ADGRL3: variants seen among roughly 807,000 people sequenced by gnomAD.
The protein encoded by ADGRL3 is calcium-independent alpha-latrotoxin receptor 3.
Under a neutral mutation model 153.5 loss-of-function variants are expected in ADGRL3, and 62 were observed. The ratio of observed to expected loss-of-function variants is 0.40; its 90% CI spans 0.33 to 0.50. The LOEUF is 0.50. Among genes scored for constraint, ADGRL3 ranks in the 20% least tolerant of loss-of-function variants. The pLI is 0.47. For missense variants in ADGRL3, 1,641 were observed against 1,859.4 expected (o/e 0.88, Z 2.16); for synonymous variants, 710 against 672.5 (o/e 1.06, Z -0.86).
Position 62,028,231 on chromosome 4 carries a change from A to G in ADGRL3, c.3396-624A>G, listed in dbSNP as rs35488347. Among the ~76,000 whole-genome samples the G allele has an allele frequency of 4.7e-3, 717 of 152,038 alleles. 2 individuals carry two copies. The highest frequency in any genetic ancestry group is 8.0e-3 in the Non-Finnish European group (544 of 67,840). On this transcript the variant is annotated intron_variant, in intron 21 of 26. Transcript: ENST00000683033. ...AAATGATATTAAAAAATTAGTAAAC[A>G]TAAGTGAAAATAAGCAGGCGTTGTA...
At chr4:61,745,834 G>T (rs2096651107) in intron 8 of ADGRL3, among the ~76,000 whole-genome samples, 1 of 152,128 alleles carries the variant, frequency 6.6e-6, no homozygotes, top group Non-Finnish European at 1.5e-5. Context: ...ACATCATAAT[G>T]ACAGGATCAA....
At chr4:62,032,992 TA>T (rs1722966951) in intron 23 of ADGRL3, among the ~76,000 whole-genome samples, 1 of 151,628 alleles carries the variant, frequency 6.6e-6, no homozygotes, top group African/African-American at 2.4e-5. Flanking sequence ...TTTAAAAAAA[TA>T]AAAACAAAAT....
chr4:61,759,296 C>T (rs1453627000), intron 8 of ADGRL3, among the ~76,000 whole-genome samples: 1 of 152,212 alleles, frequency 6.6e-6, no homozygotes, highest in Non-Finnish European at 1.5e-5. Flanking sequence ...CTCCCCATCA[C>T]TTTCAGGTAC....
intron 15 of ADGRL3, among the ~76,000 whole-genome samples, chr4:61,939,378 C>T (rs558920658): frequency 1.3e-5 from 2 of 152,178 alleles, no homozygotes; most frequent in South Asian, 4.1e-4. Context: ...GAAAATATTC[C>T]CGTGTCTCTT....
chr4:61,681,021 A>G (rs1453698270), intron 6 of ADGRL3, among the ~76,000 whole-genome samples: 1 of 152,062 alleles, frequency 6.6e-6, no homozygotes, highest in Non-Finnish European at 1.5e-5. Context: ...TCCTTAGTGG[A>G]TATTTTCTCC....
chr4:61,833,371 T>G (rs2097895764), intron 9 of ADGRL3, among the ~76,000 whole-genome samples: 1 of 152,168 alleles, frequency 6.6e-6, no homozygotes, highest in African/African-American at 2.4e-5. Flanking sequence ...AAAGAGTAAT[T>G]CGCTGAGAGC....
chr4:62,026,599 A>T (rs1718712925), intron 21 of ADGRL3, among the ~76,000 whole-genome samples: 1 of 152,072 alleles, frequency 6.6e-6, no homozygotes, highest in African/African-American at 2.4e-5. Context: ...TTGTATTTTA[A>T]TTTTTAAAAA....
chr4:61,398,164 A>G (rs1026643438), intron 2 of ADGRL3, among the ~76,000 whole-genome samples: 1 of 151,920 alleles, frequency 6.6e-6, no homozygotes, highest in African/African-American at 2.4e-5. Flanking sequence ...TCTTTGTGAT[A>G]TGTTCAAGAA....
chr4:61,528,931 C>G (rs905388438), intron 4 of ADGRL3, among the ~76,000 whole-genome samples: 34 of 152,050 alleles, frequency 2.2e-4, no homozygotes, highest in Non-Finnish European at 7.4e-5. Flanking sequence ...CTAGCCACAG[C>G]TGTAGTTCAC....
chr4:61,750,111 G>T (rs534303227), intron 8 of ADGRL3, among the ~76,000 whole-genome samples: 64 of 149,112 alleles, frequency 4.3e-4, no homozygotes, highest in African/African-American at 1.5e-3. Context: ...AACAAGGCAG[G>T]CATTGGCCCT....
rs1280914883 is a variant in ADGRL3, at chr4:61,312,522, A to G, written c.-239-70602A>G. On this transcript the variant is annotated intron_variant, in intron 1 of 26. Coordinates refer to ENST00000683033, the MANE Select transcript of ADGRL3 (RefSeq NM_001387552.1). ...ATATCTGATAAAAGGCTTATATTTG[A>G]AACATACAAAAACTTCTTAAAACCC... Among the ~76,000 whole-genome samples the G allele has an allele frequency of 2.0e-5, 3 of 152,208 alleles. No individual in the cohort carries two copies. In the East Asian group the frequency reaches 5.8e-4, roughly 29 times the overall value.
At chr4:61,589,885 C>T (rs1411872001) in intron 5 of ADGRL3, among the ~76,000 whole-genome samples, 2 of 152,044 alleles carry the variant, frequency 1.3e-5, no homozygotes, top group Non-Finnish European at 2.9e-5. Flanking sequence ...GGCTGTAACT[C>T]TTGATTTCCA....
At chr4:61,403,202 C>A (rs1455679573) in intron 2 of ADGRL3, among the ~76,000 whole-genome samples, 1 of 151,974 alleles carries the variant, frequency 6.6e-6, no homozygotes, top group Non-Finnish European at 1.5e-5. Flanking sequence ...CTCCTAAAAC[C>A]CTTAGAATCT....
At chr4:62,031,649 C>G (rs1023926719) in intron 23 of ADGRL3, 39 bp downstream of exon 23, 4 of 1,434,754 alleles carry the variant, frequency 2.8e-6, no homozygotes, top group Admixed American at 3.6e-5. Flanking sequence ...AAATGGCATA[C>G]ATTTCATGAT....
intron 13 of ADGRL3, 92 bp downstream of exon 13, chr4:61,912,849 C>T: frequency 1.7e-6 from 2 of 1,210,100 alleles, no homozygotes; most frequent in South Asian, 1.3e-5. Context: ...TGATAATGTA[C>T]CTTACTGAAA....
intron 2 of ADGRL3, among the ~76,000 whole-genome samples, chr4:61,433,771 G>A (rs1438236368): frequency 6.6e-6 from 1 of 152,108 alleles, no homozygotes; most frequent in Non-Finnish European, 1.5e-5. Flanking sequence ...TGACATATCA[G>A]TTGGATATCT....
At chr4:61,476,314 A>T (rs1330954461) in intron 2 of ADGRL3, among the ~76,000 whole-genome samples, 1 of 151,550 alleles carries the variant, frequency 6.6e-6, no homozygotes, top group Non-Finnish European at 1.5e-5. Flanking sequence ...TGCAACCTCT[A>T]CCTCCCGGGT....
At position 62,072,307 on chromosome 4, in the gene ADGRL3, TAGC is replaced by T. The variant is rs1745927322; in HGVS notation, c.*1404_*1406del. ...TAATGTAGGAATACAAAAGGTAAAT[TAGC>T]AGCACATATAATTTTTTTTTAATTT... On this transcript the variant is annotated 3_prime_UTR_variant, in exon 27 of 27. Coordinates refer to ENST00000683033, the MANE Select transcript of ADGRL3 (RefSeq NM_001387552.1). The T allele has an allele frequency of 6.6e-6, 1 of 152,598 alleles. No homozygotes were observed. Among genetic ancestry groups the T allele is most frequent in the Non-Finnish European group, 1.5e-5 (1 of 68,026 alleles). The allele number at this position is 152,598 out of a possible 1,614,324, so 9.5% of individuals were successfully genotyped here.
At chr4:61,501,291 T>C (rs1341928153) in intron 3 of ADGRL3, among the ~76,000 whole-genome samples, 2 of 152,218 alleles carry the variant, frequency 1.3e-5, no homozygotes, top group African/African-American at 4.8e-5. Context: ...TAGCTTAATA[T>C]AATTTTTATC....
Sources: gnomAD v4.1 joint callset for allele counts (sites outside exome capture counted in the v4.1 genomes callset) on GRCh38, gnomAD v4.1.1 for gene constraint, MANE v1.5 for transcripts, NCBI Gene and HGNC (gene_info 2026-07-23, HGNC 2026-07-21) for gene names.